Variants in ZSCAN10 observed in about 807,000 individuals in gnomAD.
ZSCAN10 encodes the protein zinc finger and SCAN domain containing 10.
ZSCAN10 carries 52 observed loss-of-function variants against 63.7 expected under a neutral mutation model. That is an observed-to-expected ratio of 0.82 (90% confidence interval 0.65 to 1.03). ZSCAN10 has a LOEUF of 1.03. ZSCAN10 is among the 50% of genes least tolerant of loss of function. The pLI, the probability that ZSCAN10 is intolerant of heterozygous loss-of-function variation, is 0.00. For missense variants in ZSCAN10, 1,223 were observed against 1,103.8 expected (o/e 1.11, Z -1.53); for synonymous variants, 544 against 479.6 (o/e 1.13, Z -1.76).
intron 1 of ZSCAN10, among the ~76,000 whole-genome samples, chr16:3,094,992 G>A (rs1426586137): frequency 1.3e-5 from 2 of 151,680 alleles, no homozygotes; most frequent in African/African-American, 4.9e-5. Context: ...CTTAGAAGAC[G>A]CTGAAGAGTT....
chr16:3,095,671 A>T (rs1053281809), intron 1 of ZSCAN10, among the ~76,000 whole-genome samples: 25 of 151,402 alleles, frequency 1.7e-4, no homozygotes, highest in African/African-American at 4.6e-4. Context: ...TAATAAAAAT[A>T]AAAAAAATCA....
Position 3,089,989 on chromosome 16 carries a change from C to T in ZSCAN10, c.1445G>A (p.Gly482Asp). The change falls in exon 6 of 6, where the codon GGC (glycine) becomes GAC (aspartate). Residue 482 changes from glycine to aspartate, a missense_variant. By Grantham distance (94) the Gly-to-Asp change is moderately conservative. Coordinates refer to ENST00000576985, the MANE Select transcript of ZSCAN10 (RefSeq NM_032805.3). The stretch of plus-strand genomic sequence containing the variant: ...GCTGGAGCGGCGCTGGAAGCTCTGG[C>T]CGCAGTGGGAGCACAGGACATCGGT... ...PLTDVLCSHC[G>D]QSFQRRSSLK... is the part of the protein sequence containing the mutation. The T allele has an allele frequency of 6.4e-7, 1 of 1,553,416 alleles. No individual in the cohort carries two copies. Among genetic ancestry groups the T allele is most frequent in the South Asian group, 1.2e-5 (1 of 86,050 alleles).
chr16:3,098,721 G>C (rs2741930), intron 1 of ZSCAN10, among the ~76,000 whole-genome samples: 81,888 of 152,062 alleles, frequency 0.54, 24,047 homozygotes, highest in African/African-American at 0.78. Context: ...CAACATTTGA[G>C]CAGCTTAATT....
chr16:3,098,620 C>G (rs1188174966), intron 1 of ZSCAN10, among the ~76,000 whole-genome samples: 2 of 152,188 alleles, frequency 1.3e-5, no homozygotes, highest in Admixed American at 6.5e-5. Flanking sequence ...CTCCCTCCCC[C>G]CAGATCTCCA....
At chr16:3,094,003 TTTAA>T (rs952134765) in intron 1 of ZSCAN10, among the ~76,000 whole-genome samples, 1 of 152,100 alleles carries the variant, frequency 6.6e-6, no homozygotes, top group African/African-American at 2.4e-5. Flanking sequence ...AAATTTTTAA[TTTAA>T]TTAAGTAATT....
chr16:3,094,855 C>T (rs1042836517), intron 1 of ZSCAN10, among the ~76,000 whole-genome samples: 3 of 151,068 alleles, frequency 2.0e-5, no homozygotes, highest in Non-Finnish European at 2.9e-5. Context: ...TTCTTAAAGG[C>T]TTTAAAAGAC....
intron 1 of ZSCAN10, among the ~76,000 whole-genome samples, chr16:3,095,234 A>C (rs2151218043): frequency 6.6e-6 from 1 of 151,942 alleles, no homozygotes; most frequent in Admixed American, 6.6e-5. Flanking sequence ...TTAAAAATGT[A>C]GGGCAGGGTG....
intron 5 of ZSCAN10, 147 bp from the exon 6 acceptor site, chr16:3,090,793 TA>T (rs1437503338): frequency 1.0e-6 from 1 of 980,356 alleles, no homozygotes; most frequent in African/African-American, 1.7e-5. Context: ...TTCACGCCTG[TA>T]ATTTCAGCAC....
In ZSCAN10 at chr16:3,091,647, C is replaced by T. The variant is rs115741921; in HGVS notation, c.730-50G>A. 223 of 1,612,438 alleles carry T rather than the reference C, an allele frequency of 1.4e-4. 1 individual carries two copies. Among genetic ancestry groups the T allele is most frequent in the Middle Eastern group, 1.3e-3 (8 of 6,058 alleles). ...GTGAGTGAGGAACATGCCTCAGGAA[C>T]CTGTGGGGACTGAAATGCTTCCTAG... On this transcript the variant is annotated intron_variant, in intron 4 of 5. Transcript: ENST00000576985.
At chr16:3,096,810 T>C (rs1034956332) in intron 1 of ZSCAN10, among the ~76,000 whole-genome samples, 11 of 151,646 alleles carry the variant, frequency 7.3e-5, no homozygotes, top group African/African-American at 2.7e-4. Flanking sequence ...GCGCCTGTAG[T>C]CCCAGCTACT....
In ZSCAN10 at chr16:3,089,161, C is replaced by T; in HGVS notation, c.2273G>A (p.Gly758Asp). The T allele has an allele frequency of 6.5e-7, 1 of 1,541,724 alleles. No homozygotes were observed. Among genetic ancestry groups the T allele is most frequent in the Admixed American group, 2.0e-5 (1 of 49,948 alleles). ...GTGGGAGTTGCGGCTGAAGCTGCGG[C>T]CACACTGCGTGCAGGAGTAGGGCCT... ...GARPYSCTQC[G>D]RSFSRNSHLL... Residue 758 changes from glycine (G) to aspartate (D), a missense_variant, in exon 6 of 6, where the codon GGC becomes GAC. By Grantham distance (94) the Gly-to-Asp change is moderately conservative. Coordinates refer to ENST00000576985, the MANE Select transcript of ZSCAN10 (RefSeq NM_032805.3).
chr16:3,089,249 A>C lies in ZSCAN10; in HGVS notation c.2185T>G (p.Cys729Gly), dbSNP rs745746195. The C allele has an allele frequency of 6.3e-7, 1 of 1,578,206 alleles. No homozygotes were observed. Among genetic ancestry groups the C allele is most frequent in the Non-Finnish European group, 8.5e-7 (1 of 1,169,874 alleles). The change falls in exon 6 of 6, where the codon TGC (cysteine) becomes GGC (glycine). Residue 729 changes from cysteine to glycine, a missense_variant. Transcript: ENST00000576985. Reference protein sequence around the residue: ...QAEPPQECVECGKSFSRSCNL... With the variant: ...QAEPPQECVEGGKSFSRSCNL... ...CAGCTGCGGCTGAAGCTCTTCCCGC[A>C]CTCCACGCACTCCTGCGGGGGCTCG...
In ZSCAN10 at chr16:3,092,179, C is replaced by T. The variant is rs140098671; in HGVS notation, c.534G>A (p.Ser178=). 123 of 1,612,872 alleles carry T rather than the reference C, an allele frequency of 7.6e-5. 1 individual carries two copies. The highest frequency in any genetic ancestry group is 2.7e-4 in the African/African-American group (20 of 74,948). The part of the protein sequence containing the change: ...PAEEPSVLGP[S]DEPPRPQPRA... ...TTGGCTGGGGTCGGGGAGGCTCATC[C>T]GATGGGCCCAGCACTGAAGGCTCTT... The change falls in exon 3 of 6, where the codon TCG becomes TCA. Residue 178 remains serine, a synonymous_variant. Coordinates refer to ENST00000576985, the MANE Select transcript of ZSCAN10 (RefSeq NM_032805.3).
At chr16:3,095,844 A>AAT (rs1555446464) in intron 1 of ZSCAN10, among the ~76,000 whole-genome samples, 6 of 151,164 alleles carry the variant, frequency 4.0e-5, no homozygotes, top group African/African-American at 1.5e-4. Context: ...AAAAAAAAAA[A>AAT]ATTTAGCCAG....
chr16:3,092,474 A>T, intron 2 of ZSCAN10, 68 bp downstream of exon 2: 1 of 1,456,004 alleles, frequency 6.9e-7, no homozygotes, highest in East Asian at 2.4e-5. Context: ...GTTTCCAGAG[A>T]TTCCTCACTG....
In ZSCAN10 at chr16:3,090,075, C is replaced by T. The variant is rs773669972; in HGVS notation, c.1359G>A (p.Ala453=). Residue 453 remains alanine (A), a synonymous_variant, in exon 6 of 6, where the codon GCG becomes GCA. Transcript: ENST00000576985. ...AGGGCGGCTTCTGGTCCTGGGCGTG[C>T]GCCAGCAGGTGCTGCACAAGGCTGG... is the stretch of plus-strand genomic sequence containing the variant. ...RRASLVQHLL[A]HAQDQKPPCA... 3.1e-6 allele frequency: 5 copies of T among 1,603,536 alleles called. No individual in the cohort carries two copies. Among genetic ancestry groups the T allele is most frequent in the Non-Finnish European group, 4.2e-6 (5 of 1,178,598 alleles).
Position 3,092,959 on chromosome 16 carries a change from C to T in ZSCAN10, c.-22G>A, listed in dbSNP as rs1339473326. On this transcript the variant is annotated 5_prime_UTR_variant, in exon 2 of 6. Coordinates refer to ENST00000576985, the MANE Select transcript of ZSCAN10 (RefSeq NM_032805.3). ...GCATCCTTCACTGCGGGGATGCCTC[C>T]CTAACGCCAGCCCCGCTCTTGGGTC... 24 of 1,411,242 alleles carry T rather than the reference C, an allele frequency of 1.7e-5. No individual in the cohort carries two copies. The East Asian group carries it at 1.8e-4, about 11-fold the overall frequency. The allele number at this position is 1,411,242 out of a possible 1,614,324, so 87.4% of individuals were successfully genotyped here.
rs763141156 is a variant in ZSCAN10 at position 3,089,729 on chromosome 16, G to A, written c.1705C>T (p.Gln569Ter). 2 of 1,603,452 alleles carry A rather than the reference G, an allele frequency of 1.2e-6. No individual in the cohort carries two copies. Reference protein sequence around the residue: ...FTQSSQLVSHQRVHTGEKPYA... With the variant: ...FTQSSQLVSH ...GGCTTCTCGCCCGTGTGCACCCGTT[G>A]GTGGCTGACCAGCTGCGAGCTCTGC... Residue 569 changes from glutamine to a stop codon, truncating the protein, a stop_gained, in exon 6 of 6, where the codon CAA (glutamine) becomes TAA (stop). Coordinates refer to ENST00000576985, the MANE Select transcript of ZSCAN10 (RefSeq NM_032805.3). LOFTEE classifies it high-confidence loss of function.
At position 3,091,888 on chromosome 16, in the gene ZSCAN10, T is replaced by G. The variant is rs1957082640; in HGVS notation, c.665-60A>C. Reference sequence around the variant, plus strand: ...TTAGAAGGCAGCCCTGCCTGCCATATGGCTGCAAGGACACACACCGCATCA... The same window carrying G: ...TTAGAAGGCAGCCCTGCCTGCCATAGGGCTGCAAGGACACACACCGCATCA... On this transcript the variant is annotated intron_variant, in intron 3 of 5. Transcript: ENST00000576985. The G allele has an allele frequency of 7.5e-6, 12 of 1,589,870 alleles. No individual in the cohort carries two copies. The South Asian group carries it at 1.4e-4, about 18-fold the overall frequency.
Sources: gnomAD v4.1 joint callset for allele counts (sites outside exome capture counted in the v4.1 genomes callset) on GRCh38, gnomAD v4.1.1 for gene constraint, MANE v1.5 for transcripts, NCBI Gene and HGNC (gene_info 2026-07-23, HGNC 2026-07-21) for gene names.